Variants in NFASC observed in about 807,000 individuals in gnomAD.
NFASC encodes neurofascin homolog.
In NFASC, 43 loss-of-function variants were observed where a neutral mutation model predicts 147.5. The observed-to-expected ratio is 0.29, with a 90% CI of 0.23 to 0.38. NFASC has a LOEUF of 0.38. Among genes scored for constraint, NFASC ranks in the 10% least tolerant of loss-of-function variants. The pLI, the probability that NFASC is intolerant of heterozygous loss-of-function variation, is 1.00. For missense variants in NFASC, 1,320 were observed against 1,689.0 expected (o/e 0.78, Z 3.83); for synonymous variants, 622 against 665.5 (o/e 0.93, Z 1.01).
At chr1:204,858,223 TCTC>T (rs1214761341) in intron 1 of NFASC, among the ~76,000 whole-genome samples, 5 of 152,058 alleles carry the variant, frequency 3.3e-5, no homozygotes, top group South Asian at 2.1e-4. Flanking sequence ...GCTGGCCTAA[TCTC>T]CTCTTCTTAT....
chr1:204,870,628 G>T, intron 1 of NFASC: 1 of 1,008,650 alleles, frequency 9.9e-7, no homozygotes, highest in Non-Finnish European at 1.2e-6. Flanking sequence ...TTGTGTCATG[G>T]GCCACACAAC....
At chr1:204,868,416 C>T (rs1010555950) in intron 1 of NFASC, among the ~76,000 whole-genome samples, 6 of 152,168 alleles carry the variant, frequency 3.9e-5, no homozygotes, top group African/African-American at 1.2e-4. Flanking sequence ...GACATGCTGG[C>T]GCTCTCCCCC....
intron 1 of NFASC, among the ~76,000 whole-genome samples, chr1:204,837,619 G>A (rs1674139231): frequency 6.6e-6 from 1 of 152,216 alleles, no homozygotes; most frequent in South Asian, 2.1e-4. Context: ...TCTGAAGGAT[G>A]TTTGGGGCAG....
intron 1 of NFASC, among the ~76,000 whole-genome samples, chr1:204,900,119 T>C (rs1397554545): frequency 1.3e-5 from 2 of 152,160 alleles, no homozygotes; most frequent in African/African-American, 2.4e-5. Context: ...GTTGATAATA[T>C]TGAAAAAAGA....
At position 205,022,543 on chromosome 1, in the gene NFASC, G is replaced by C. The variant is rs758453253; in HGVS notation, c.*6004G>C. ...AACATTTAACTCCATGCCAGACCTTGTTTTAACCCCTCTCACATCATGTTC... is the reference window on the plus strand; with the variant it reads ...AACATTTAACTCCATGCCAGACCTTCTTTTAACCCCTCTCACATCATGTTC... On this transcript the variant is annotated 3_prime_UTR_variant, in exon 30 of 30. Coordinates refer to ENST00000339876, the MANE Select transcript of NFASC (RefSeq NM_001005388.3). 3 of 152,556 alleles carry C rather than the reference G, an allele frequency of 2.0e-5. No individual in the cohort carries two copies. Among genetic ancestry groups the C allele is most frequent in the African/African-American group, 4.8e-5 (2 of 41,402 alleles). The allele number at this position is 152,556 out of a possible 1,614,324, so 9.5% of individuals were successfully genotyped here.
chr1:204,968,184 C>A lies in NFASC; in HGVS notation c.707-65C>A. 2 of 1,159,040 alleles carry A rather than the reference C, an allele frequency of 1.7e-6. No homozygotes were observed. The highest frequency in any genetic ancestry group is 2.6e-6 in the Non-Finnish European group (2 of 767,638). 71.8% of individuals were successfully genotyped at this position (1,159,040 alleles called of 1,614,324 possible). A position where few individuals can be genotyped will look rare whatever the true frequency, so the allele number is the denominator to read the frequency against. ...ATGCCACTTCTCTCTAGCCTGACAG[C>A]GTTGGCCTAGTGGGGTCTGCCTTCT... On this transcript the variant is annotated intron_variant, in intron 8 of 29. Coordinates refer to ENST00000339876, the MANE Select transcript of NFASC (RefSeq NM_001005388.3). This position sits in a 1 kb window ranked among gnomAD's most constrained non-coding sequence, Gnocchi z 5.4.
rs1486198493 is a variant in NFASC at position 204,952,239 on chromosome 1, A to G, written c.215+123A>G. The G allele has an allele frequency of 6.8e-6, 5 of 734,036 alleles. No homozygotes were observed. The East Asian group carries it at 1.4e-4, about 20-fold the overall frequency. The allele number at this position is 734,036 out of a possible 1,614,324, so 45.5% of individuals were successfully genotyped here. A position where few individuals can be genotyped will look rare whatever the true frequency, so the allele number is the denominator to read the frequency against. On this transcript the variant is annotated intron_variant, in intron 5 of 29. Transcript: ENST00000339876. ...CCATTCCAAAAAATTTCCATTAGGC[A>G]CCTACTAGGTGGAAGGCATAATTGA...
At chr1:204,854,134 A>G (rs2075948290) in intron 1 of NFASC, among the ~76,000 whole-genome samples, 2 of 151,988 alleles carry the variant, frequency 1.3e-5, no homozygotes, top group African/African-American at 4.8e-5. Context: ...ACTCTCAGCA[A>G]GAGCCAAAAC....
At chr1:204,937,923 G>A (rs180727208) in intron 2 of NFASC, among the ~76,000 whole-genome samples, 6 of 152,308 alleles carry the variant, frequency 3.9e-5, no homozygotes, top group Admixed American at 2.6e-4. Context: ...CCATCCAGTC[G>A]GCTATGTGAA....
chr1:204,949,597 C>G (rs1025744714), intron 3 of NFASC, among the ~76,000 whole-genome samples: 8 of 152,114 alleles, frequency 5.3e-5, no homozygotes, highest in African/African-American at 1.9e-4. Context: ...AGACCTTGTC[C>G]CCACAAAAAG....
chr1:204,920,693 A>G lies in NFASC; in HGVS notation c.-138A>G. ...TTACCTTCCCTCCGCAGCCTGGAACAGAGCCTCCTCTGGTGTTGCAAGGAA... is the reference window on the plus strand; with the variant it reads ...TTACCTTCCCTCCGCAGCCTGGAACGGAGCCTCCTCTGGTGTTGCAAGGAA... On this transcript the variant is annotated 5_prime_UTR_variant, in exon 2 of 30. Transcript: ENST00000339876. 7.8e-7 allele frequency: 1 copy of G among 1,289,740 alleles called. No individual in the cohort carries two copies. The highest frequency in any genetic ancestry group is 1.0e-6 in the Non-Finnish European group (1 of 988,840). The allele number at this position is 1,289,740 out of a possible 1,614,324, so 79.9% of individuals were successfully genotyped here.
chr1:204,844,858 G>A (rs1473822481), intron 1 of NFASC, among the ~76,000 whole-genome samples: 1 of 152,130 alleles, frequency 6.6e-6, no homozygotes, highest in African/African-American at 2.4e-5. Context: ...GACTGCTTCT[G>A]TGTCTCTTTG....
chr1:204,988,904 G>T, intron 23 of NFASC, 98 bp downstream of exon 23: 1 of 1,203,804 alleles, frequency 8.3e-7, no homozygotes. Flanking sequence ...GGGATGGAGA[G>T]GAAATGAGAC....
chr1:204,969,577 T>C (rs1387538035), intron 10 of NFASC, among the ~76,000 whole-genome samples: 3 of 152,020 alleles, frequency 2.0e-5, no homozygotes, highest in Non-Finnish European at 2.9e-5. Flanking sequence ...GAGACCAGAG[T>C]ATAGAAACTT....
intron 2 of NFASC, among the ~76,000 whole-genome samples, chr1:204,933,042 G>T (rs1054099796): frequency 3.9e-5 from 6 of 152,126 alleles, no homozygotes; most frequent in African/African-American, 1.4e-4. Context: ...AGGGTAGCGG[G>T]GGCAGTTGGA....
intron 25 of NFASC, chr1:204,997,631 G>A: frequency 3.3e-6 from 2 of 611,926 alleles, no homozygotes; most frequent in South Asian, 1.9e-5. Flanking sequence ...ACACTCCTTG[G>A]GTGGTCCTCC....
At chr1:204,877,455 G>A (rs1025672242) in intron 1 of NFASC, among the ~76,000 whole-genome samples, 4 of 152,008 alleles carry the variant, frequency 2.6e-5, no homozygotes, top group African/African-American at 9.7e-5. Context: ...GGTTGAAATC[G>A]GGGGTGGATC....
Position 205,016,353 on chromosome 1 carries a change from C to T in NFASC, c.3537C>T (p.Asp1179=), listed in dbSNP as rs369599367. The T allele has an allele frequency of 1.1e-4, 180 of 1,613,978 alleles. 1 individual carries two copies. Among genetic ancestry groups the T allele is most frequent in the Middle Eastern group, 6.6e-4 (4 of 6,062 alleles). Reference sequence around the variant, plus strand: ...TGCAGGGCAGTCAGACATCTCTGGACGGCACCATCAAGCAGCAGGAGAGTG... The same window carrying T: ...TGCAGGGCAGTCAGACATCTCTGGATGGCACCATCAAGCAGCAGGAGAGTG... The part of the protein sequence containing the change: ...KPLQGSQTSL[D]GTIKQQESDD... The change falls in exon 30 of 30, where the codon GAC becomes GAT. Residue 1179 remains aspartate, a synonymous_variant. Transcript: ENST00000339876. This position sits in a 1 kb window ranked among gnomAD's most constrained non-coding sequence, Gnocchi z 5.1.
intron 1 of NFASC, among the ~76,000 whole-genome samples, chr1:204,885,392 G>T (rs188030850): frequency 6.6e-6 from 1 of 151,874 alleles, no homozygotes; most frequent in African/African-American, 2.4e-5. Context: ...TGCCCTGTGG[G>T]GGGGGAAGCA....
Sources: allele counts gnomAD v4.1 joint callset (sites outside exome capture counted in the v4.1 genomes callset), GRCh38; gene constraint gnomAD v4.1.1; non-coding constraint Gnocchi (gnomAD v3.1); transcripts MANE v1.5; gene names NCBI Gene and HGNC (gene_info 2026-07-23, HGNC 2026-07-21).